Variants in ST18 observed in about 807,000 individuals in gnomAD.
The protein encoded by ST18 is suppression of tumorigenicity 18 protein.
Under a neutral mutation model 110.0 loss-of-function variants are expected in ST18, and 50 were observed. The observed-to-expected ratio is 0.45, with a 90% confidence interval of 0.36 to 0.58. ST18 has a LOEUF of 0.58. Ranked by LOEUF, ST18 falls within the 20% of genes least tolerant of loss-of-function variation. ST18 has a pLI of 0.00. For missense variants in ST18, 1,306 were observed against 1,280.1 expected (o/e 1.02, Z -0.31); for synonymous variants, 461 against 452.4 (o/e 1.02, Z -0.24).
rs948525282 is a variant in ST18, at chr8:52,166,791, G to C, written c.1204+61C>G. The C allele has an allele frequency of 2.8e-6, 4 of 1,429,490 alleles. No homozygotes were observed. The African/African-American group carries it at 5.7e-5, about 20-fold the overall frequency. 88.6% of individuals were successfully genotyped at this position (1,429,490 alleles called of 1,614,324 possible). On this transcript the variant is annotated intron_variant, in intron 11 of 25. Coordinates refer to ENST00000689386, the MANE Select transcript of ST18 (RefSeq NM_001352837.2). ...TAATTCCAAATTGGGAGACAAAGAG[G>C]ATAACATCTTGATGATCTGGCGTGC...
At chr8:52,370,511 G>C (rs1424594595) in intron 2 of ST18, among the ~76,000 whole-genome samples, 1 of 152,058 alleles carries the variant, frequency 6.6e-6, no homozygotes, top group Non-Finnish European at 1.5e-5. Flanking sequence ...TGTACCCAGT[G>C]GTCAGGCCTT....
At chr8:52,151,208 C>T (rs1475193806) in intron 15 of ST18, among the ~76,000 whole-genome samples, 3 of 152,104 alleles carry the variant, frequency 2.0e-5, no homozygotes, top group Admixed American at 2.0e-4. Context: ...ACTCCCAACC[C>T]CCAAACAGGC....
intron 2 of ST18, among the ~76,000 whole-genome samples, chr8:52,397,923 T>C (rs936861687): frequency 1.3e-5 from 2 of 152,112 alleles, no homozygotes; most frequent in Admixed American, 1.3e-4. Context: ...CTGTGGCTAG[T>C]CAGGCATTTC....
At chr8:52,333,300 TAAAA>T (rs35596796) in intron 2 of ST18, among the ~76,000 whole-genome samples, 2 of 142,474 alleles carry the variant, frequency 1.4e-5, no homozygotes, top group African/African-American at 2.5e-5. Context: ...CATTTTCTAT[TAAAA>T]AAAAAAAAAA....
chr8:52,281,446 A>G (rs2095374132), intron 2 of ST18, among the ~76,000 whole-genome samples: 1 of 152,220 alleles, frequency 6.6e-6, no homozygotes, highest in African/African-American at 2.4e-5. Context: ...GAAGAATAGT[A>G]TGAATAAACA....
At chr8:52,210,956 A>T (rs1403690628) in intron 8 of ST18, among the ~76,000 whole-genome samples, 2 of 152,206 alleles carry the variant, frequency 1.3e-5, no homozygotes, top group Non-Finnish European at 2.9e-5. Flanking sequence ...GTTCAAGTGT[A>T]TTAGACACTG....
At chr8:52,194,074 G>A (rs188134327) in intron 8 of ST18, among the ~76,000 whole-genome samples, 100 of 152,146 alleles carry the variant, frequency 6.6e-4, no homozygotes, top group African/African-American at 2.2e-3. Flanking sequence ...GCTAATAAAT[G>A]CTTTTTTTTC....
chr8:52,188,637 C>G (rs899347889), intron 8 of ST18, among the ~76,000 whole-genome samples: 6 of 152,128 alleles, frequency 3.9e-5, no homozygotes, highest in Non-Finnish European at 8.8e-5. Context: ...ATGTTAAGAA[C>G]AGTTGTAGAT....
intron 4 of ST18, among the ~76,000 whole-genome samples, chr8:52,221,225 C>T (rs1225218711): frequency 6.6e-6 from 1 of 151,820 alleles, no homozygotes; most frequent in Non-Finnish European, 1.5e-5. Flanking sequence ...TACTTTTAAC[C>T]ACCAAAATAA....
chr8:52,268,503 CTATCTATT>C (rs879597385), intron 2 of ST18, among the ~76,000 whole-genome samples: 1,518 of 148,692 alleles, frequency 0.01, 31 homozygotes, highest in African/African-American at 0.034. Context: ...ATCTATCTAT[CTATCTATT>C]TATCTATCTA....
chr8:52,350,772 G>A (rs1017359733), intron 2 of ST18, among the ~76,000 whole-genome samples: 42 of 151,334 alleles, frequency 2.8e-4, no homozygotes, highest in African/African-American at 9.2e-4. Flanking sequence ...CCAGGCTGAA[G>A]TGCAGTGGCC....
chr8:52,197,095 C>A (rs1479840460), intron 8 of ST18, among the ~76,000 whole-genome samples: 1 of 152,136 alleles, frequency 6.6e-6, no homozygotes, highest in East Asian at 1.9e-4. Flanking sequence ...AAGTCCATTT[C>A]AAAATTCTAC....
At position 52,172,407 on chromosome 8, in the gene ST18, T is replaced by G; in HGVS notation, c.454A>C (p.Ser152Arg). ...TCTGCTTTTAAAGACTGGATGCCAC[T>G]GTCATTTAAATTTTCACTTACAGTC... The part of the protein sequence containing the change: ...VQTVSENLND[S>R]GIQSLKAESD... The change falls in exon 10 of 26, where the codon AGT becomes CGT. Residue 152 changes from serine to arginine, a missense_variant. By Grantham distance (110) the Ser-to-Arg change is moderately radical. Coordinates refer to ENST00000689386, the MANE Select transcript of ST18 (RefSeq NM_001352837.2). 1.2e-6 allele frequency: 2 copies of G among 1,614,080 alleles called. No homozygotes were observed. Among genetic ancestry groups the G allele is most frequent in the Non-Finnish European group, 1.7e-6 (2 of 1,180,038 alleles).
chr8:52,225,887 GT>G (rs2089198884), intron 3 of ST18, among the ~76,000 whole-genome samples: 1 of 152,216 alleles, frequency 6.6e-6, no homozygotes, highest in South Asian at 2.1e-4. Flanking sequence ...CATTTTTGTG[GT>G]AAAAGCATAA....
chr8:52,318,069 A>G (rs546822093), intron 2 of ST18, among the ~76,000 whole-genome samples: 1 of 152,336 alleles, frequency 6.6e-6, no homozygotes, highest in South Asian at 2.1e-4. Flanking sequence ...ACAGCAAAAG[A>G]AACTATCAAT....
chr8:52,151,401 T>C (rs2058770914), intron 15 of ST18, among the ~76,000 whole-genome samples: 1 of 152,274 alleles, frequency 6.6e-6, no homozygotes, highest in Non-Finnish European at 1.5e-5. Flanking sequence ...CTAAGATGCT[T>C]TGGCCGTATC....
chr8:52,149,965 C>G lies in ST18; in HGVS notation c.1819G>C (p.Glu607Gln), dbSNP rs2058383540. 6.2e-7 allele frequency: 1 copy of G among 1,613,766 alleles called. No homozygotes were observed. The highest frequency in any genetic ancestry group is 8.5e-7 in the Non-Finnish European group (1 of 1,179,860). The change falls in exon 16 of 26, where the codon GAA (glutamate) becomes CAA (glutamine). Residue 607 changes from glutamate to glutamine, a missense_variant. By Grantham distance (29) the Glu-to-Gln change is conservative (BLOSUM62 2). Transcript: ENST00000689386. ...QSLHAKGAEI[E>Q]VDENGTLDLS... is the part of the protein sequence containing the mutation. ...TCCAATGTGCCATTTTCATCCACTT[C>G]TATTTCGGCTCCCTGGTATACAATA...
intron 15 of ST18, among the ~76,000 whole-genome samples, chr8:52,157,200 A>G (rs551096801): frequency 6.6e-6 from 1 of 152,312 alleles, no homozygotes; most frequent in East Asian, 1.9e-4. Flanking sequence ...ATAAGGGGAA[A>G]AGCCCTGTAA....
At chr8:52,174,012 T>C (rs2065984026) in intron 9 of ST18, among the ~76,000 whole-genome samples, 1 of 152,214 alleles carries the variant, frequency 6.6e-6, no homozygotes, top group Non-Finnish European at 1.5e-5. Context: ...CAGGATCAAG[T>C]AAATATTGCC....
Sources: allele counts gnomAD v4.1 joint callset (sites outside exome capture counted in the v4.1 genomes callset), GRCh38; gene constraint gnomAD v4.1.1; transcripts MANE v1.5; gene names NCBI Gene and HGNC (gene_info 2026-07-23, HGNC 2026-07-21).